Variants in TAFA2 observed in about 807,000 individuals in gnomAD.
TAFA2 encodes chemokine-like protein TAFA-2.
A neutral mutation model predicts 18.8 loss-of-function variants in TAFA2; 7 were observed. The observed-to-expected ratio is 0.37, with a 90% CI of 0.21 to 0.70. The LOEUF is 0.70. Ranked by LOEUF, TAFA2 falls within the 30% of genes least tolerant of loss-of-function variation. The pLI is 0.53. For synonymous variants in TAFA2, 60 were observed against 54.2 expected, an observed-to-expected ratio of 1.11 and a Z score of -0.47; for missense variants, 122 against 158.1, an observed-to-expected ratio of 0.77 and a Z score of 1.23.
intron 1 of TAFA2, among the ~76,000 whole-genome samples, chr12:62,043,316 A>G (rs1470398492): frequency 3.9e-5 from 6 of 152,178 alleles, no homozygotes; most frequent in African/African-American, 1.4e-4. Context: ...CTTTGTAGGG[A>G]CATGGATGAA....
intron 1 of TAFA2, among the ~76,000 whole-genome samples, chr12:62,144,015 T>A (rs555981323): frequency 4.0e-4 from 51 of 128,772 alleles, no homozygotes; most frequent in Non-Finnish European, 6.7e-4. Context: ...GCCACTGCAC[T>A]CCAGCCTGGG....
chr12:62,100,331 C>T (rs1869140715), intron 1 of TAFA2, among the ~76,000 whole-genome samples: 1 of 152,128 alleles, frequency 6.6e-6, no homozygotes. Context: ...TCAGAGGCCT[C>T]CTTGGTTTAT....
At chr12:62,161,630 A>G (rs2062407567) in intron 1 of TAFA2, among the ~76,000 whole-genome samples, 1 of 150,188 alleles carries the variant, frequency 6.7e-6, no homozygotes, top group African/African-American at 2.5e-5. Flanking sequence ...ATGCCCTGAA[A>G]GCCCTGACTT....
intron 1 of TAFA2, among the ~76,000 whole-genome samples, chr12:62,221,782 A>G (rs1433634696): frequency 2.0e-5 from 3 of 152,200 alleles, no homozygotes; most frequent in Non-Finnish European, 2.9e-5. Context: ...AATCATTTTT[A>G]AATAAGATGC....
At chr12:62,066,917 T>G (rs561366299) in intron 1 of TAFA2, among the ~76,000 whole-genome samples, 1 of 152,232 alleles carries the variant, frequency 6.6e-6, no homozygotes, top group South Asian at 2.1e-4. Flanking sequence ...TTGTACTAAT[T>G]TACATTCCTA....
At chr12:61,858,700 A>G (rs1383814776) in intron 2 of TAFA2, among the ~76,000 whole-genome samples, 2 of 152,090 alleles carry the variant, frequency 1.3e-5, no homozygotes, top group African/African-American at 2.4e-5. Flanking sequence ...GAAAAAAAAA[A>G]GCTGTAAAAT....
chr12:61,922,187 A>G (rs1877080744), intron 1 of TAFA2, among the ~76,000 whole-genome samples: 1 of 152,216 alleles, frequency 6.6e-6, no homozygotes, highest in South Asian at 2.1e-4. Context: ...TGAAGAAACA[A>G]TGCATGTTTG....
At chr12:62,035,018 T>C (rs1881560974) in intron 1 of TAFA2, among the ~76,000 whole-genome samples, 2 of 152,210 alleles carry the variant, frequency 1.3e-5, no homozygotes, top group Admixed American at 1.3e-4. Flanking sequence ...CCATGACATA[T>C]ACTGTTTTGC....
chr12:61,809,370 G>C lies in TAFA2; in HGVS notation c.107-54346C>G, dbSNP rs755152501. Among the ~76,000 whole-genome samples, 4 of 151,538 alleles carry C rather than the reference G, an allele frequency of 2.6e-5. No individual in the cohort carries two copies. In the East Asian group the frequency reaches 7.7e-4, roughly 29 times the overall value. ...GTTTAATTGGGAAAATAAATAAACT[G>C]TTTTAAAAATAGTGAGTATCAATAA... On this transcript the variant is annotated intron_variant, in intron 2 of 4. Transcript: ENST00000416284.
chr12:62,247,920 TTTTTTGAG>T (rs572822991), intron 1 of TAFA2, among the ~76,000 whole-genome samples: 149 of 152,324 alleles, frequency 9.8e-4, no homozygotes, highest in Non-Finnish European at 1.8e-3. Context: ...GACTGTTTCT[TTTTTTGAG>T]TTTTTGAGTT....
At chr12:62,206,510 G>T (rs1348042577) in intron 1 of TAFA2, among the ~76,000 whole-genome samples, 5 of 151,812 alleles carry the variant, frequency 3.3e-5, no homozygotes, top group Admixed American at 2.6e-4. Context: ...AAATTGACTT[G>T]TTATGCTAGA....
At chr12:62,073,400 G>A (rs1017955340) in intron 1 of TAFA2, among the ~76,000 whole-genome samples, 13 of 151,310 alleles carry the variant, frequency 8.6e-5, no homozygotes, top group African/African-American at 3.2e-4. Flanking sequence ...CTTTGAGGTA[G>A]GTGTTATATT....
intron 1 of TAFA2, among the ~76,000 whole-genome samples, chr12:61,925,392 A>T (rs777994753): frequency 6.6e-6 from 1 of 152,136 alleles, no homozygotes; most frequent in Non-Finnish European, 1.5e-5. Flanking sequence ...CAGTCTCCCA[A>T]ACCACAGTGC....
At chr12:61,744,002 A>T (rs1868578854) in intron 4 of TAFA2, among the ~76,000 whole-genome samples, 1 of 152,100 alleles carries the variant, frequency 6.6e-6, no homozygotes, top group Non-Finnish European at 1.5e-5. Flanking sequence ...TCTTTTATTA[A>T]GCCATTTTAG....
intron 1 of TAFA2, among the ~76,000 whole-genome samples, chr12:61,869,537 A>G (rs539887942): frequency 1.9e-4 from 29 of 152,310 alleles, no homozygotes; most frequent in African/African-American, 7.0e-4. Context: ...ATATATTTGT[A>G]ACATTGTGAG....
intron 1 of TAFA2, among the ~76,000 whole-genome samples, chr12:61,872,648 C>T (rs1874664703): frequency 1.3e-5 from 2 of 152,278 alleles, no homozygotes; most frequent in South Asian, 4.2e-4. Context: ...CTTCATTTCA[C>T]ATCCCTGTAC....
At chr12:61,787,483 T>C (rs1352903837) in intron 2 of TAFA2, among the ~76,000 whole-genome samples, 1 of 151,746 alleles carries the variant, frequency 6.6e-6, no homozygotes, top group African/African-American at 2.4e-5. Flanking sequence ...TCAAAGTGGT[T>C]AAAAATAACT....
In TAFA2 at chr12:61,754,887, G is replaced by C. The variant is rs930844403; in HGVS notation, c.244C>G (p.Pro82Ala). 1.9e-6 allele frequency: 3 copies of C among 1,612,712 alleles called. No individual in the cohort carries two copies. The highest frequency in any genetic ancestry group is 2.2e-5 in the East Asian group (1 of 44,694). ...GAAGTCACACCATCCACACATGATG[G>C]AGCAGCTCGCGTGGTGCCTGCCACC... ...GQVAGTTRAA[P>A]SCVDASIVEQ... Residue 82 changes from proline to alanine, a missense_variant, in exon 3 of 5, where the codon CCA (proline) becomes GCA (alanine). Coordinates refer to ENST00000416284, the MANE Select transcript of TAFA2 (RefSeq NM_178539.5).
chr12:61,729,762 GA>G (rs1382955031), intron 4 of TAFA2, among the ~76,000 whole-genome samples: 1 of 151,982 alleles, frequency 6.6e-6, no homozygotes, highest in East Asian at 1.9e-4. Flanking sequence ...CCTTGCTGTT[GA>G]GACAGTGTGA....
Sources: gnomAD v4.1 joint callset for allele counts (sites outside exome capture counted in the v4.1 genomes callset) on GRCh38, gnomAD v4.1.1 for gene constraint, MANE v1.5 for transcripts, NCBI Gene and HGNC (gene_info 2026-07-23, HGNC 2026-07-21) for gene names.